The following CABLES1 variants were observed in gnomAD, a reference collection of about 807,000 sequenced individuals.
CABLES1 encodes the protein CDK5 and ABL1 enzyme substrate 1.
A neutral mutation model predicts 57.8 loss-of-function variants in CABLES1; 36 were observed. The ratio of observed to expected loss-of-function variants is 0.62; its 90% CI spans 0.48 to 0.82. The LOEUF (loss-of-function observed/expected upper bound fraction) is 0.82, where lower values mean the gene tolerates loss of function less well. CABLES1 is among the 40% of genes least tolerant of loss of function. The probability of loss-of-function intolerance (pLI) is 0.00; values close to 1 mark genes in which losing one functional copy is unlikely to be tolerated. For synonymous variants in CABLES1, 374 were observed against 363.0 expected, an observed-to-expected ratio of 1.03 and a Z score of -0.35; for missense variants, 767 against 836.6, an observed-to-expected ratio of 0.92 and a Z score of 1.03.
At chr18:23,191,858 A>G (rs915127751) in intron 2 of CABLES1, among the ~76,000 whole-genome samples, 6 of 148,480 alleles carry the variant, frequency 4.0e-5, no homozygotes, top group East Asian at 2.0e-4. Context: ...CAACGCCACA[A>G]TTCTCTTAAA....
At chr18:23,140,160 C>T (rs1026300469) in intron 1 of CABLES1, among the ~76,000 whole-genome samples, 6 of 152,148 alleles carry the variant, frequency 3.9e-5, no homozygotes, top group Admixed American at 1.3e-4. Flanking sequence ...TCATGCCTAT[C>T]GTGTTTCTCT....
chr18:23,141,597 T>C (rs940401221), intron 1 of CABLES1, among the ~76,000 whole-genome samples: 1 of 152,046 alleles, frequency 6.6e-6, no homozygotes, highest in African/African-American at 2.4e-5. Flanking sequence ...GAGGTCGGAG[T>C]TGTAGCCCCA....
chr18:23,182,793 A>T (rs1157234795), intron 1 of CABLES1, among the ~76,000 whole-genome samples: 1 of 152,148 alleles, frequency 6.6e-6, no homozygotes, highest in Non-Finnish European at 1.5e-5. Flanking sequence ...AGGTGACTGC[A>T]TAGGGGATTG....
chr18:23,174,821 CATATATAT>C (rs569579022), intron 1 of CABLES1, among the ~76,000 whole-genome samples: 6,213 of 94,488 alleles, frequency 0.066, 292 homozygotes, highest in African/African-American at 0.12. Context: ...CATGTTACAC[CATATATAT>C]ATATATATAT....
chr18:23,179,234 C>T (rs934673684), intron 1 of CABLES1, among the ~76,000 whole-genome samples: 2 of 152,126 alleles, frequency 1.3e-5, no homozygotes, highest in African/African-American at 4.8e-5. Context: ...TGCAGTGAGC[C>T]GAGATCGCGC....
chr18:23,185,171 G>A (rs1267880718), intron 1 of CABLES1, among the ~76,000 whole-genome samples: 1 of 152,202 alleles, frequency 6.6e-6, no homozygotes, highest in African/African-American at 2.4e-5. Context: ...TTCTGGTGCA[G>A]GAAGAGGTGG....
At chr18:23,188,718 G>T (rs2047220500) in intron 1 of CABLES1, 120 bp from the exon 2 acceptor site, 1 of 753,986 alleles carries the variant, frequency 1.3e-6, no homozygotes, top group Non-Finnish European at 2.3e-6. Flanking sequence ...GACAGCTTTT[G>T]TCTGATCTTT....
At chr18:23,206,042 C>G (rs911974767) in intron 3 of CABLES1, among the ~76,000 whole-genome samples, 1 of 152,106 alleles carries the variant, frequency 6.6e-6, no homozygotes, top group Non-Finnish European at 1.5e-5. Context: ...GACTTCTGGC[C>G]CCCAGAACTG....
At chr18:23,148,236 G>A (rs545490895) in intron 1 of CABLES1, among the ~76,000 whole-genome samples, 26 of 152,128 alleles carry the variant, frequency 1.7e-4, no homozygotes, top group African/African-American at 5.8e-4. Context: ...TGATCCACCC[G>A]CCTCAGCCTC....
At chr18:23,224,420 C>G (rs1027375807) in intron 4 of CABLES1, among the ~76,000 whole-genome samples, 1 of 152,180 alleles carries the variant, frequency 6.6e-6, no homozygotes, top group South Asian at 2.1e-4. Flanking sequence ...CTTACTGACC[C>G]CAGCTTCACT....
chr18:23,238,861 C>T (rs933202407), intron 7 of CABLES1, among the ~76,000 whole-genome samples: 24 of 152,228 alleles, frequency 1.6e-4, no homozygotes, highest in African/African-American at 5.5e-4. Flanking sequence ...CCACATTCCT[C>T]AGCAGTCAGC....
intron 1 of CABLES1, among the ~76,000 whole-genome samples, chr18:23,176,605 A>G (rs2047124775): frequency 6.6e-6 from 1 of 152,122 alleles, no homozygotes; most frequent in South Asian, 2.1e-4. Context: ...AAGGAGAAGC[A>G]GGCATTTTTT....
intron 3 of CABLES1, among the ~76,000 whole-genome samples, chr18:23,198,821 C>G (rs1170826382): frequency 6.6e-6 from 1 of 152,180 alleles, no homozygotes; most frequent in African/African-American, 2.4e-5. Flanking sequence ...GGTTTTAGCT[C>G]CATGAGTCCC....
intron 1 of CABLES1, among the ~76,000 whole-genome samples, chr18:23,188,179 C>T (rs1338943991): frequency 6.6e-6 from 1 of 152,174 alleles, no homozygotes; most frequent in Non-Finnish European, 1.5e-5. Flanking sequence ...GCAAAAGAAA[C>T]TGGTAGACTA....
In CABLES1 at chr18:23,253,841, A is replaced by G. The variant is rs2048099683; in HGVS notation, c.1666A>G (p.Lys556Glu). ...GCTCGCCCTCAAGGGGAAACTCAAC[A>G]AACAGAACCGGAAGCTGTGTGCTGG... Reference protein sequence around the residue: ...EKLALKGKLNKQNRKLCAGAC... With the variant: ...EKLALKGKLNEQNRKLCAGAC... The change falls in exon 9 of 10, where the codon AAA becomes GAA. Residue 556 changes from lysine to glutamate, a missense_variant. Around this residue, in one of 4 missense-constraint regions of CABLES1, gnomAD observed 529 missense variants for 622.8 expected, o/e 0.85. Transcript: ENST00000256925. 1 of 1,614,112 alleles carries G rather than the reference A, an allele frequency of 6.2e-7. No individual in the cohort carries two copies. Among genetic ancestry groups the G allele is most frequent in the Admixed American group, 1.7e-5 (1 of 60,006 alleles).
intron 1 of CABLES1, among the ~76,000 whole-genome samples, chr18:23,177,656 G>A (rs1271470716): frequency 6.6e-6 from 1 of 152,008 alleles, no homozygotes. Flanking sequence ...ATGCCTCACC[G>A]AGTCCCAGTT....
Position 23,257,700 on chromosome 18 carries a change from C to A in CABLES1, c.*333C>A. ...CAAACTTTGCAAGCGTGGTCCAGGG[C>A]CTTCTCCAGATCTGTTCCAACTTGG... On this transcript the variant is annotated 3_prime_UTR_variant, in exon 10 of 10. Transcript: ENST00000256925. The A allele has an allele frequency of 4.3e-6, 1 of 231,472 alleles. No homozygotes were observed. Among genetic ancestry groups the A allele is most frequent in the Non-Finnish European group, 8.2e-6 (1 of 121,830 alleles). 14.3% of individuals were successfully genotyped at this position (231,472 alleles called of 1,614,324 possible).
chr18:23,153,090 A>T (rs147086480), intron 1 of CABLES1, among the ~76,000 whole-genome samples: 1 of 149,372 alleles, frequency 6.7e-6, no homozygotes, highest in Non-Finnish European at 1.5e-5. Context: ...GTGAGCCACT[A>T]CGCCTGGCTG....
Position 23,237,923 on chromosome 18 carries a change from T to G in CABLES1, c.1446+678T>G, listed in dbSNP as rs530592270. Among the ~76,000 whole-genome samples the G allele has an allele frequency of 4.0e-3, 608 of 152,280 alleles. 4 individuals carry two copies. Among genetic ancestry groups the G allele is most frequent in the African/African-American group, 0.014 (585 of 41,556 alleles). On this transcript the variant is annotated intron_variant, in intron 7 of 9. Transcript: ENST00000256925. ...CTCTTGCGGCAAGCAGAGCCCCGCC[T>G]GCTGTGGGAGGAGGGGGAGCTGCAC...
Sources: allele counts gnomAD v4.1 joint callset (sites outside exome capture counted in the v4.1 genomes callset), GRCh38; gene constraint gnomAD v4.1.1; regional missense constraint gnomAD v4.1.1; transcripts MANE v1.5; gene names NCBI Gene and HGNC (gene_info 2026-07-23, HGNC 2026-07-21).